SNX25: variants seen among roughly 807,000 people sequenced by gnomAD.
The protein encoded by SNX25 is sorting nexin 25.
A neutral mutation model predicts 113.7 loss-of-function variants in SNX25; 62 were observed. That is an observed-to-expected ratio of 0.55 (90% CI 0.44 to 0.67). SNX25 has a LOEUF of 0.67. SNX25 is among the 30% of genes least tolerant of loss of function. The probability of loss-of-function intolerance (pLI) is 0.00; values close to 1 mark genes in which losing one functional copy is unlikely to be tolerated. For missense variants in SNX25, 1,014 were observed against 1,161.0 expected (o/e 0.87, Z 1.84); for synonymous variants, 421 against 436.2 (o/e 0.97, Z 0.43).
At chr4:185,372,003 T>C (rs10017920), downstream of SNX25, among the ~76,000 whole-genome samples, 4,840 of 152,288 alleles carry the variant, frequency 0.032, 252 homozygotes, top group African/African-American at 0.11. Flanking sequence ...TTTTATACAC[T>C]GTGGGTAAAT....
chr4:185,311,120 A>G (rs888986463), intron 7 of SNX25, among the ~76,000 whole-genome samples: 1 of 152,162 alleles, frequency 6.6e-6, no homozygotes, highest in Non-Finnish European at 1.5e-5. Flanking sequence ...ACAAGACTCC[A>G]ATCAAGTTTC....
At chr4:185,211,038 A>G (rs1447171854) in intron 1 of SNX25, among the ~76,000 whole-genome samples, 2 of 151,820 alleles carry the variant, frequency 1.3e-5, no homozygotes, top group Non-Finnish European at 2.9e-5. Flanking sequence ...CCAGCTTAAC[A>G]CTCACTGCTT....
intron 10 of SNX25, among the ~76,000 whole-genome samples, chr4:185,333,532 T>C (rs2095209975): frequency 6.6e-6 from 1 of 152,172 alleles, no homozygotes; most frequent in African/African-American, 2.4e-5. Context: ...TGAAACAAGA[T>C]GTAAGAAAAA....
chr4:185,356,427 T>C (rs185533838), intron 15 of SNX25, among the ~76,000 whole-genome samples: 1 of 152,216 alleles, frequency 6.6e-6, no homozygotes, highest in East Asian at 1.9e-4. Context: ...TCATCACTGA[T>C]AGACATGCTC....
At chr4:185,325,361 G>A (rs938199547) in intron 9 of SNX25, among the ~76,000 whole-genome samples, 4 of 151,866 alleles carry the variant, frequency 2.6e-5, no homozygotes, top group African/African-American at 7.3e-5. Flanking sequence ...GTGAAACCCC[G>A]TCTCTACTAA....
Position 185,232,600 on chromosome 4 carries a change from A to G in SNX25, c.430-14694A>G, listed in dbSNP as rs184124189. Among the ~76,000 whole-genome samples, 8 of 152,178 alleles carry G rather than the reference A, an allele frequency of 5.3e-5. No individual in the cohort carries two copies. The highest frequency in any genetic ancestry group is 1.9e-4 in the African/African-American group (8 of 41,448). On this transcript the variant is annotated intron_variant, in intron 1 of 18. Coordinates refer to ENST00000652585, the MANE Select transcript of SNX25 (RefSeq NM_001378034.2). The surrounding 1 kb of genome is among the most constrained non-coding windows in gnomAD (Gnocchi z 4.4). ...TAAGATAATGGCATTATGGTATTCC[A>G]GGACAGTAATGGAGTACAAAACAGT...
intron 5 of SNX25, among the ~76,000 whole-genome samples, chr4:185,269,070 G>A (rs752975557): frequency 9.2e-5 from 14 of 151,896 alleles, no homozygotes; most frequent in Admixed American, 1.3e-4. Flanking sequence ...TTTCTTTTTC[G>A]TAAGTGTGAT....
intron 5 of SNX25, among the ~76,000 whole-genome samples, chr4:185,281,672 C>T (rs1750579993): frequency 6.6e-6 from 1 of 152,146 alleles, no homozygotes; most frequent in Non-Finnish European, 1.5e-5. Flanking sequence ...TAACTGAAGT[C>T]CCTCTAACAA....
chr4:185,291,316 C>T (rs1752134762), intron 6 of SNX25, among the ~76,000 whole-genome samples: 1 of 152,160 alleles, frequency 6.6e-6, no homozygotes, highest in African/African-American at 2.4e-5. Flanking sequence ...CGGAACTTTT[C>T]ATCTTCCCAA....
rs942352770 is a variant in SNX25 at position 185,260,148 on chromosome 4, A to G, written c.731+1084A>G. Among the ~76,000 whole-genome samples the G allele has an allele frequency of 5.9e-5, 9 of 152,026 alleles. No individual in the cohort carries two copies. The South Asian group carries it at 6.2e-4, about 11-fold the overall frequency. On this transcript the variant is annotated intron_variant, in intron 3 of 18. Coordinates refer to ENST00000652585, the MANE Select transcript of SNX25 (RefSeq NM_001378034.2). ...TTGACACTTTTTTTAACGTTTTTTT[A>G]AAAATAATGTTTAAGACCAACTCAA... is the stretch of plus-strand genomic sequence containing the variant.
the SNX25 span, chr4:185,377,064 T>A: frequency 3.1e-5 from 37 of 1,183,462 alleles, no homozygotes; most frequent in Non-Finnish European, 4.4e-5. Flanking sequence ...ACAATATGAA[T>A]TTTCTCTCTT....
the SNX25 span, chr4:185,377,977 C>T: frequency 1.0e-6 from 1 of 959,330 alleles, no homozygotes; most frequent in Non-Finnish European, 1.6e-6. Context: ...TAACCACTTC[C>T]TTGAAATCAA....
chr4:185,294,031 C>T (rs866044611), intron 6 of SNX25, among the ~76,000 whole-genome samples: 4 of 152,062 alleles, frequency 2.6e-5, no homozygotes, highest in Admixed American at 6.6e-5. Context: ...TAAGGAAGAT[C>T]GTGAAGGACA....
intron 2 of SNX25, among the ~76,000 whole-genome samples, chr4:185,248,658 AAAT>A (rs1171740737): frequency 1.3e-5 from 2 of 152,260 alleles, no homozygotes; most frequent in Admixed American, 1.3e-4. Context: ...GTCTCAAAAA[AAAT>A]GTACAGGATT....
chr4:185,222,658 C>T (rs1325769871), intron 1 of SNX25, among the ~76,000 whole-genome samples: 1 of 152,200 alleles, frequency 6.6e-6, no homozygotes, highest in Non-Finnish European at 1.5e-5. Flanking sequence ...AGTTATTGAA[C>T]TCCATATGAA....
chr4:185,245,985 G>A (rs925585054), intron 1 of SNX25, among the ~76,000 whole-genome samples: 2 of 152,084 alleles, frequency 1.3e-5, no homozygotes, highest in African/African-American at 4.8e-5. Context: ...GAGTGGCATT[G>A]CAGAATAGAA....
At chr4:185,351,390 C>G in intron 13 of SNX25, 55 bp from the exon 14 acceptor site, 1 of 1,563,342 alleles carries the variant, frequency 6.4e-7, no homozygotes, top group Non-Finnish European at 8.7e-7. Context: ...CTTGTAGCTC[C>G]CAGCCACACA....
Position 185,264,539 on chromosome 4 carries a change from G to A in SNX25, c.833G>A (p.Cys278Tyr), listed in dbSNP as rs571403512. Residue 278 changes from cysteine (C) to tyrosine (Y), a missense_variant, in exon 4 of 19, where the codon TGT becomes TAT. Physicochemically the swap from Cys to Tyr is radical, Grantham distance 194 (BLOSUM62 -2). Transcript: ENST00000652585. ...ACGTGTTCTCGGGTTCTGGTGTTTTGTCTCCTCCCCTCAAAGGATGTGCAG... is the reference window on the plus strand; with the variant it reads ...ACGTGTTCTCGGGTTCTGGTGTTTTATCTCCTCCCCTCAAAGGATGTGCAG... ...LQTCSRVLVF[C>Y]LLPSKDVQSL... The A allele has an allele frequency of 1.4e-5, 23 of 1,614,024 alleles. No homozygotes were observed. In the South Asian group the frequency reaches 2.5e-4, roughly 18 times the overall value.
chr4:185,359,447 T>A (rs545839996), intron 16 of SNX25, among the ~76,000 whole-genome samples: 67 of 152,306 alleles, frequency 4.4e-4, no homozygotes, highest in African/African-American at 1.6e-3. Context: ...ATTTTTTGTT[T>A]TAGTCTAAGG....
Sources: gnomAD v4.1 joint callset for allele counts (sites outside exome capture counted in the v4.1 genomes callset) on GRCh38, gnomAD v4.1.1 for gene constraint, Gnocchi (gnomAD v3.1) non-coding constraint, MANE v1.5 for transcripts, NCBI Gene and HGNC (gene_info 2026-07-23, HGNC 2026-07-21) for gene names.